Variants in DYSF observed in about 807,000 individuals in gnomAD.
The protein encoded by DYSF is dysferlin.
A neutral mutation model predicts 274.9 loss-of-function variants in DYSF; 212 were observed. The ratio of observed to expected loss-of-function variants is 0.77; its 90% CI spans 0.69 to 0.86. The LOEUF is 0.86. Ranked by LOEUF, DYSF falls within the 40% of genes least tolerant of loss-of-function variation. DYSF has a pLI of 0.00. For synonymous variants in DYSF, 1,091 were observed against 1,078.7 expected (o/e 1.01, Z -0.22); for missense variants, 2,666 against 2,783.2 (o/e 0.96, Z 0.95).
At chr2:71,665,071 TGTACATGGGG>T in intron 46 of DYSF, 81 bp from the exon 47 acceptor site, 1 of 1,597,604 alleles carries the variant, frequency 6.3e-7, no homozygotes, top group Non-Finnish European at 8.5e-7. Flanking sequence ...TGGGCAATGC[TGTACATGGGG>T]GTACACCAGT....
intron 12 of DYSF, among the ~76,000 whole-genome samples, chr2:71,523,466 A>G (rs2087521443): frequency 6.6e-6 from 1 of 151,908 alleles, no homozygotes; most frequent in Admixed American, 6.6e-5. Flanking sequence ...AGTCTCTGCC[A>G]TCCATCCTAA....
Position 71,574,300 on chromosome 2 carries a change from C to G in DYSF, c.3331C>G (p.Arg1111Gly). The G allele has an allele frequency of 6.2e-7, 1 of 1,614,108 alleles. No homozygotes were observed. The highest frequency in any genetic ancestry group is 1.1e-5 in the South Asian group (1 of 91,080). ...YRKTDAFRRR[R>G]WRRRMEPLEK... is the part of the protein sequence containing the mutation. ...CAAGACAGATGCCTTCCGCCGCCGCCGCTGGCGCCGTCGCATGGAGCCACT... is the reference window on the plus strand; with the variant it reads ...CAAGACAGATGCCTTCCGCCGCCGCGGCTGGCGCCGTCGCATGGAGCCACT... Residue 1111 changes from arginine (R) to glycine (G), a missense_variant, in exon 30 of 56, where the codon CGC becomes GGC. Physicochemically the swap from Arg to Gly is moderately radical, Grantham distance 125 (BLOSUM62 -2). Coordinates refer to ENST00000410020, the MANE Select transcript of DYSF (RefSeq NM_001130987.2).
chr2:71,468,059 T>C (rs536826855), intron 1 of DYSF, among the ~76,000 whole-genome samples: 1 of 152,256 alleles, frequency 6.6e-6, no homozygotes, highest in African/African-American at 2.4e-5. Context: ...TTTTGAAAGA[T>C]GTGATTTGAA....
chr2:71,494,975 A>G (rs1347029958), intron 3 of DYSF, among the ~76,000 whole-genome samples: 1 of 152,188 alleles, frequency 6.6e-6, no homozygotes, highest in African/African-American at 2.4e-5. Flanking sequence ...TATGGTGCTG[A>G]CAGTCACTGG....
Position 71,589,584 on chromosome 2 carries a change from T to C in DYSF, c.3403-9T>C. On this transcript the variant is annotated splice_polypyrimidine_tract_variant and intron_variant, in intron 30 of 55. Coordinates refer to ENST00000410020, the MANE Select transcript of DYSF (RefSeq NM_001130987.2). ...GCAGAATCTGCCATAACCAGCTTCG[T>C]GTCTCCAGGGCGGCGTGATGGATGA... 1 of 1,613,876 alleles carries C rather than the reference T, an allele frequency of 6.2e-7. No homozygotes were observed. The highest frequency in any genetic ancestry group is 8.5e-7 in the Non-Finnish European group (1 of 1,179,806).
At chr2:71,453,808 C>A in exon 1 of DYSF, 1 of 649,060 alleles carries the variant, frequency 1.5e-6, no homozygotes, top group Non-Finnish European at 2.8e-6. Flanking sequence ...CCAGCCTAGC[C>A]CACTGGAGCA....
intron 26 of DYSF, among the ~76,000 whole-genome samples, chr2:71,568,585 A>G (rs2092251764): frequency 6.7e-6 from 1 of 148,928 alleles, no homozygotes; most frequent in Admixed American, 6.7e-5. Context: ...TTTTTGAGAC[A>G]GAGTCTCACT....
chr2:71,545,609 C>A (rs1026775006), intron 17 of DYSF, among the ~76,000 whole-genome samples: 28 of 152,150 alleles, frequency 1.8e-4, no homozygotes, highest in African/African-American at 6.8e-4. Context: ...ATGGAAGGAA[C>A]CTCGTCTTCA....
intron 55 of DYSF, among the ~76,000 whole-genome samples, chr2:71,685,992 G>T (rs2095352184): frequency 6.6e-6 from 1 of 152,166 alleles, no homozygotes; most frequent in Admixed American, 6.5e-5. Flanking sequence ...CTGGACAGGG[G>T]TGTGATGACC....
intron 41 of DYSF, among the ~76,000 whole-genome samples, chr2:71,641,023 T>A (rs563387867): frequency 1.3e-5 from 2 of 152,304 alleles, no homozygotes; most frequent in South Asian, 4.1e-4. Context: ...AGAAAATCAT[T>A]CACTTCATCT....
At chr2:71,514,236 G>T (rs1019939322) in intron 7 of DYSF, among the ~76,000 whole-genome samples, 2 of 151,770 alleles carry the variant, frequency 1.3e-5, no homozygotes, top group African/African-American at 2.4e-5. Context: ...TCTAACCAGG[G>T]TATATCCAAC....
At chr2:71,513,422 G>C in intron 6 of DYSF, 90 bp downstream of exon 6, 1 of 1,377,274 alleles carries the variant, frequency 7.3e-7, no homozygotes. Context: ...AGCGGGGCCA[G>C]GTGGCAGAGG....
chr2:71,608,534 C>T (rs2093686848), intron 36 of DYSF, among the ~76,000 whole-genome samples: 1 of 152,154 alleles, frequency 6.6e-6, no homozygotes, highest in Admixed American at 6.5e-5. Flanking sequence ...CTGTCTCTGC[C>T]TGTCTCTTCC....
rs1186344552 is a variant in DYSF, at chr2:71,600,726, T to C, written c.3781T>C (p.Cys1261Arg). Reference sequence around the variant, plus strand: ...GGGTGCAGACGAGTTTATGGGTCGCTGCATCTGTCAACCGAGTCTGGAACG... The same window carrying C: ...GGGTGCAGACGAGTTTATGGGTCGCCGCATCTGTCAACCGAGTCTGGAACG... ...TYGADEFMGR[C>R]ICQPSLERMP... The change falls in exon 34 of 56, where the codon TGC (cysteine) becomes CGC (arginine). Residue 1261 changes from cysteine (C) to arginine (R), a missense_variant. Transcript: ENST00000410020. 6.2e-7 allele frequency: 1 copy of C among 1,614,162 alleles called. No individual in the cohort carries two copies. The highest frequency in any genetic ancestry group is 8.5e-7 in the Non-Finnish European group (1 of 1,180,040).
At chr2:71,640,671 A>G (rs2094472291) in intron 41 of DYSF, among the ~76,000 whole-genome samples, 1 of 151,872 alleles carries the variant, frequency 6.6e-6, no homozygotes, top group African/African-American at 2.4e-5. Flanking sequence ...CGCCAGATTG[A>G]CTGCTGCCAT....
In DYSF at chr2:71,511,874, C is replaced by T. The variant is rs766841136; in HGVS notation, c.413C>T (p.Thr138Ile). 3.7e-5 allele frequency: 58 copies of T among 1,551,546 alleles called. No homozygotes were observed. Among genetic ancestry groups the T allele is most frequent in the Non-Finnish European group, 5.1e-5 (58 of 1,146,976 alleles). Residue 138 changes from threonine to isoleucine, a missense_variant, in exon 5 of 56, where the codon ACT (threonine) becomes ATT (isoleucine). By Grantham distance (89) the Thr-to-Ile change is moderately conservative. Transcript: ENST00000410020. ...GCTGTGCCCCTGTTCCCGCCCCCTACTCCTCTGGAGCCCTCCCCGACTCTG... is the reference window on the plus strand; with the variant it reads ...GCTGTGCCCCTGTTCCCGCCCCCTATTCCTCTGGAGCCCTCCCCGACTCTG... The part of the protein sequence containing the change: ...PGAVPLFPPP[T>I]PLEPSPTLPD...
chr2:71,563,207 A>G (rs749225536), intron 23 of DYSF, among the ~76,000 whole-genome samples: 2 of 152,196 alleles, frequency 1.3e-5, no homozygotes, highest in Non-Finnish European at 2.9e-5. Flanking sequence ...GGAGTCAGAA[A>G]AACCTGCATT....
rs749127704 is a variant in DYSF at position 71,681,114 on chromosome 2, A to C, written c.6173+4A>C. On this transcript the variant is annotated splice_donor_region_variant and intron_variant, in intron 54 of 55. Transcript: ENST00000410020. ...ACCCTAAGCTTGAGGACCCAAGGTC[A>C]GTGCCCAGCCCCTGAGCCCCAATGC... The C allele has an allele frequency of 2.5e-6, 4 of 1,613,640 alleles. No homozygotes were observed. The Admixed American group carries it at 6.7e-5, about 27-fold the overall frequency.
At chr2:71,535,127 T>C in intron 15 of DYSF, 38 bp downstream of exon 15, 1 of 1,612,764 alleles carries the variant, frequency 6.2e-7, no homozygotes, top group South Asian at 1.1e-5. Flanking sequence ...AGGAGGCCCC[T>C]GGGGCTCTGG....
Sources: allele counts gnomAD v4.1 joint callset (sites outside exome capture counted in the v4.1 genomes callset), GRCh38; gene constraint gnomAD v4.1.1; transcripts MANE v1.5; gene names NCBI Gene and HGNC (gene_info 2026-07-23, HGNC 2026-07-21).